Variants in JAKMIP1 observed in about 807,000 individuals in gnomAD.
The protein encoded by JAKMIP1 is janus kinase and microtubule interacting protein 1, also known as janus kinase and microtubule-interacting protein 1.
Under a neutral mutation model 113.0 loss-of-function variants are expected in JAKMIP1, and 33 were observed. The observed-to-expected ratio is 0.29, with a 90% CI of 0.22 to 0.39. The LOEUF is 0.39. Ranked by LOEUF, JAKMIP1 falls within the 10% of genes least tolerant of loss-of-function variation. JAKMIP1 has a pLI of 1.00. For missense variants in JAKMIP1, 813 were observed against 1,080.5 expected, an observed-to-expected ratio of 0.75 and a Z score of 3.47; for synonymous variants, 480 against 459.9, an observed-to-expected ratio of 1.04 and a Z score of -0.56.
At chr4:6,096,928 G>A (rs1355763934) in intron 3 of JAKMIP1, among the ~76,000 whole-genome samples, 1 of 152,160 alleles carries the variant, frequency 6.6e-6, no homozygotes, top group Non-Finnish European at 1.5e-5. Context: ...ACATCGGAAG[G>A]CAAAGTTCTC....
chr4:6,117,600 A>G lies in JAKMIP1; in HGVS notation c.-147-4603T>C, dbSNP rs554268802. Among the ~76,000 whole-genome samples, 184 of 152,180 alleles carry G rather than the reference A, an allele frequency of 1.2e-3. 1 individual carries two copies. The highest frequency in any genetic ancestry group is 6.8e-3 in the Middle Eastern group (2 of 294). On this transcript the variant is annotated intron_variant, in intron 1 of 20. Coordinates refer to ENST00000409021, the MANE Select transcript of JAKMIP1 (RefSeq NM_001099433.2). ...CATCTTATCAGGAGACAGGGTTTTG[A>G]GATCAACCGGTCTGACCAAAGTTTA...
At chr4:6,107,533 A>T (rs1429902530) in intron 2 of JAKMIP1, among the ~76,000 whole-genome samples, 1 of 152,186 alleles carries the variant, frequency 6.6e-6, no homozygotes, top group African/African-American at 2.4e-5. Context: ...TCCACAATGT[A>T]GGTGGGCCTC....
intron 1 of JAKMIP1, among the ~76,000 whole-genome samples, chr4:6,195,358 T>C (rs79902498): frequency 0.11 from 16,196 of 152,252 alleles, 1,010 homozygotes; most frequent in Non-Finnish European, 0.14. Context: ...GTGGATGTAC[T>C]TCATGCCACT....
intron 3 of JAKMIP1, among the ~76,000 whole-genome samples, chr4:6,090,204 A>G (rs957014073): frequency 6.6e-6 from 1 of 151,416 alleles, no homozygotes; most frequent in Non-Finnish European, 1.5e-5. Context: ...CCTGGGTGAC[A>G]GAGTGAGAGT....
intron 1 of JAKMIP1, among the ~76,000 whole-genome samples, chr4:6,118,577 G>A (rs1433631040): frequency 6.6e-6 from 1 of 152,138 alleles, no homozygotes; most frequent in African/African-American, 2.4e-5. Flanking sequence ...CTTCCACGAT[G>A]CCCACCACCA....
intron 16 of JAKMIP1, among the ~76,000 whole-genome samples, chr4:6,048,411 GAAAT>G (rs1038422840): frequency 2.0e-5 from 3 of 152,224 alleles, no homozygotes; most frequent in African/African-American, 7.2e-5. Flanking sequence ...ATGGTAGAAA[GAAAT>G]ATATAACAGC....
At chr4:6,104,353 T>A (rs1253908971) in intron 3 of JAKMIP1, among the ~76,000 whole-genome samples, 1 of 152,210 alleles carries the variant, frequency 6.6e-6, no homozygotes, top group East Asian at 1.9e-4. Context: ...ATAATTTTTT[T>A]CTTTTATACA....
rs117657710 is a variant in JAKMIP1 at position 6,156,016 on chromosome 4, G to C, written c.-147-43019C>G. On this transcript the variant is annotated intron_variant, in intron 1 of 20. Coordinates refer to ENST00000409021, the MANE Select transcript of JAKMIP1 (RefSeq NM_001099433.2). This position sits in a 1 kb window ranked among gnomAD's most constrained non-coding sequence, Gnocchi z 5.0. The stretch of plus-strand genomic sequence containing the variant: ...TCCGTGGTGGGTTCCTCAGTGCGTA[G>C]AACAGTGCCCAGCACAATAATGGAT... 2.0e-5 allele frequency among the ~76,000 whole-genome samples: 3 copies of C among 152,344 alleles called. No homozygotes were observed. In the East Asian group the frequency reaches 5.8e-4, roughly 29 times the overall value.
chr4:6,039,855 T>G (rs906631946), intron 18 of JAKMIP1, among the ~76,000 whole-genome samples: 1 of 152,212 alleles, frequency 6.6e-6, no homozygotes, highest in African/African-American at 2.4e-5. Flanking sequence ...GAAGTAGAGT[T>G]TTAAAGTCAT....
At position 6,132,076 on chromosome 4, in the gene JAKMIP1, G is replaced by C. The variant is rs183429998; in HGVS notation, c.-147-19079C>G. On this transcript the variant is annotated intron_variant, in intron 1 of 20. Transcript: ENST00000409021. ...ATAAAATCATTTTTTATTCTTAATT[G>C]ACTGACTAGAACAGTTTGTTTGAAA... is the stretch of plus-strand genomic sequence containing the variant. 2.2e-3 allele frequency among the ~76,000 whole-genome samples: 329 copies of C among 152,296 alleles called. 3 individuals are homozygous for C. Among genetic ancestry groups the C allele is most frequent in the African/African-American group, 7.7e-3 (318 of 41,554 alleles).
In JAKMIP1 at chr4:6,158,665, G is replaced by C. The variant is rs770818430; in HGVS notation, c.-148+41588C>G. Among the ~76,000 whole-genome samples, 2 of 151,310 alleles carry C rather than the reference G, an allele frequency of 1.3e-5. No homozygotes were observed. Among genetic ancestry groups the C allele is most frequent in the African/African-American group, 2.4e-5 (1 of 41,060 alleles). ...AGTAGTCATCATTTCCACAAAGGAA[G>C]TCCATCTTTTTAGGTTAGGAAAGAA... On this transcript the variant is annotated intron_variant, in intron 1 of 20. Transcript: ENST00000409021. The surrounding 1 kb of genome is among the most constrained non-coding windows in gnomAD (Gnocchi z 5.3).
Position 6,176,083 on chromosome 4 carries a change from T to C in JAKMIP1, c.-148+24170A>G, listed in dbSNP as rs569123594. 1.8e-4 allele frequency among the ~76,000 whole-genome samples: 28 copies of C among 152,278 alleles called. No homozygotes were observed. The South Asian group carries it at 5.4e-3, about 29-fold the overall frequency. On this transcript the variant is annotated intron_variant, in intron 1 of 20. Coordinates refer to ENST00000409021, the MANE Select transcript of JAKMIP1 (RefSeq NM_001099433.2). This position sits in a 1 kb window ranked among gnomAD's most constrained non-coding sequence, Gnocchi z 5.5. ...TTCCCAGGCATTAAAGATACAGAGATGAACATGGTGTAATGCTCCCCTGGA... is the reference window on the plus strand; with the variant it reads ...TTCCCAGGCATTAAAGATACAGAGACGAACATGGTGTAATGCTCCCCTGGA...
intron 1 of JAKMIP1, among the ~76,000 whole-genome samples, chr4:6,164,990 A>T (rs761671958): frequency 4.6e-5 from 7 of 152,240 alleles, no homozygotes; most frequent in Non-Finnish European, 8.8e-5. Flanking sequence ...CTTAGCTGAT[A>T]AGGCAGTGGC....
At position 6,108,320 on chromosome 4, in the gene JAKMIP1, C is replaced by T. The variant is rs115944106; in HGVS notation, c.130-2353G>A. 2.5e-4 allele frequency among the ~76,000 whole-genome samples: 38 copies of T among 152,266 alleles called. No individual in the cohort carries two copies. Among genetic ancestry groups the T allele is most frequent in the African/African-American group, 8.4e-4 (35 of 41,560 alleles). Reference sequence around the variant, plus strand: ...TCCAGCTGAGCAGGCCAAAAAAAGCCGCCCAGCACTTTACCTCCAGGTGCC... The same window carrying T: ...TCCAGCTGAGCAGGCCAAAAAAAGCTGCCCAGCACTTTACCTCCAGGTGCC... On this transcript the variant is annotated intron_variant, in intron 2 of 20. Coordinates refer to ENST00000409021, the MANE Select transcript of JAKMIP1 (RefSeq NM_001099433.2). This position sits in a 1 kb window ranked among gnomAD's most constrained non-coding sequence, Gnocchi z 5.6.
Position 6,049,703 on chromosome 4 carries a change from C to T in JAKMIP1, c.1962+116G>A. ...GGCCATACAAAAGCCTTACATTGTACTTCTTAGATCTCTTACATCAGAGAG... is the reference window on the plus strand; with the variant it reads ...GGCCATACAAAAGCCTTACATTGTATTTCTTAGATCTCTTACATCAGAGAG... On this transcript the variant is annotated intron_variant, in intron 15 of 20. Transcript: ENST00000409021. This position sits in a 1 kb window ranked among gnomAD's most constrained non-coding sequence, Gnocchi z 7.0. The T allele has an allele frequency of 3.8e-6, 3 of 786,280 alleles. No individual in the cohort carries two copies. Among genetic ancestry groups the T allele is most frequent in the Non-Finnish European group, 6.4e-6 (3 of 471,152 alleles). The allele number at this position is 786,280 out of a possible 1,614,324, so 48.7% of individuals were successfully genotyped here.
At chr4:6,075,004 T>G (rs1313209094) in intron 8 of JAKMIP1, among the ~76,000 whole-genome samples, 1 of 152,194 alleles carries the variant, frequency 6.6e-6, no homozygotes, top group Non-Finnish European at 1.5e-5. Context: ...AATGACGCAT[T>G]TCTCAGAATG....
intron 1 of JAKMIP1, among the ~76,000 whole-genome samples, chr4:6,198,787 C>T (rs1383659768): frequency 6.6e-6 from 1 of 152,244 alleles, no homozygotes; most frequent in Non-Finnish European, 1.5e-5. Flanking sequence ...TGTGTCCCTC[C>T]TCCTTGCCCA....
intron 1 of JAKMIP1, among the ~76,000 whole-genome samples, chr4:6,165,193 T>C (rs898041591): frequency 1.3e-5 from 2 of 152,220 alleles, no homozygotes; most frequent in African/African-American, 4.8e-5. Flanking sequence ...TCAACAGCCA[T>C]TAACATCAAG....
chr4:6,094,456 G>A lies in JAKMIP1; in HGVS notation c.625-8827C>T, dbSNP rs192176301. ...CAGCCTGGCCCCAGTGAGAGGGCTT[G>A]GCAGACAGGCATGGGAGTAAACAAA... is the stretch of plus-strand genomic sequence containing the variant. On this transcript the variant is annotated intron_variant, in intron 3 of 20. Coordinates refer to ENST00000409021, the MANE Select transcript of JAKMIP1 (RefSeq NM_001099433.2). This position sits in a 1 kb window ranked among gnomAD's most constrained non-coding sequence, Gnocchi z 4.2. Among the ~76,000 whole-genome samples, 6 of 152,288 alleles carry A rather than the reference G, an allele frequency of 3.9e-5. No individual in the cohort carries two copies. In the East Asian group the frequency reaches 9.7e-4, roughly 25 times the overall value.
Sources: allele counts gnomAD v4.1 joint callset (sites outside exome capture counted in the v4.1 genomes callset), GRCh38; gene constraint gnomAD v4.1.1; non-coding constraint Gnocchi (gnomAD v3.1); transcripts MANE v1.5; gene names NCBI Gene and HGNC (gene_info 2026-07-23, HGNC 2026-07-21).